Variants in TRMT1L observed in about 807,000 individuals in gnomAD.
TRMT1L encodes tRNA methyltransferase 1L, also known as tRNA (guanine(27)-N(2))-dimethyltransferase.
In TRMT1L, 28 loss-of-function variants were observed where a neutral mutation model predicts 81.6. The ratio of observed to expected loss-of-function variants is 0.34; its 90% confidence interval spans 0.25 to 0.47. TRMT1L has a LOEUF of 0.47. TRMT1L is among the 20% of genes least tolerant of loss of function. The pLI is 1.00. For synonymous variants in TRMT1L, 301 were observed against 303.2 expected (o/e 0.99, Z 0.07); for missense variants, 739 against 877.1 (o/e 0.84, Z 1.99).
chr1:185,139,938 T>A (rs1455691639), intron 8 of TRMT1L, 35 bp downstream of exon 8: 3 of 1,577,684 alleles, frequency 1.9e-6, no homozygotes, highest in Non-Finnish European at 2.6e-6. Flanking sequence ...TTCAGATAAG[T>A]TTAGAAAGTG....
chr1:185,119,123 A>G lies in TRMT1L; in HGVS notation c.*896T>C, dbSNP rs952435629. 3.3e-5 allele frequency: 5 copies of G among 152,076 alleles called. No individual in the cohort carries two copies. Among genetic ancestry groups the G allele is most frequent in the African/African-American group, 1.2e-4 (5 of 41,422 alleles). The allele number at this position is 152,076 out of a possible 1,614,324, so 9.4% of individuals were successfully genotyped here. ...AGAAAATTTATACAAATACACACAA[A>G]ACCAAAAATACCAAACCAAGCAACA... is the stretch of plus-strand genomic sequence containing the variant. On this transcript the variant is annotated 3_prime_UTR_variant, in exon 15 of 15. Coordinates refer to ENST00000367506, the MANE Select transcript of TRMT1L (RefSeq NM_030934.5).
chr1:185,152,712 TA>T (rs1653395826), intron 1 of TRMT1L, among the ~76,000 whole-genome samples: 1 of 152,198 alleles, frequency 6.6e-6, no homozygotes, highest in Non-Finnish European at 1.5e-5. Context: ...AGGTGAAGGA[TA>T]AAATCAAAGA....
At chr1:185,134,724 C>G (rs2102240044) in intron 10 of TRMT1L, among the ~76,000 whole-genome samples, 1 of 152,312 alleles carries the variant, frequency 6.6e-6, no homozygotes, top group South Asian at 2.1e-4. Flanking sequence ...AATTCTTTAA[C>G]CTCTTTAAGT....
chr1:185,139,640 G>T, intron 8 of TRMT1L, 61 bp from the exon 9 acceptor site: 2 of 1,111,212 alleles, frequency 1.8e-6, no homozygotes, highest in Non-Finnish European at 2.5e-6. Flanking sequence ...TTATACCACT[G>T]TAATTATTTC....
chr1:185,130,990 T>C (rs1263442829), intron 10 of TRMT1L, among the ~76,000 whole-genome samples: 1 of 151,992 alleles, frequency 6.6e-6, no homozygotes, highest in Non-Finnish European at 1.5e-5. Context: ...GTAAAATCCA[T>C]TGGTTTATTT....
chr1:185,127,569 C>T (rs1247986345), intron 11 of TRMT1L, among the ~76,000 whole-genome samples: 1 of 151,660 alleles, frequency 6.6e-6, no homozygotes, highest in African/African-American at 2.4e-5. Flanking sequence ...ATCAGCCTGA[C>T]CAACATGGAG....
upstream of TRMT1L, chr1:185,157,105 G>A (rs1653640182): frequency 1.1e-5 from 2 of 186,978 alleles, no homozygotes. Flanking sequence ...GTCTGGGGGC[G>A]GGGCCGGAGT....
intron 10 of TRMT1L, among the ~76,000 whole-genome samples, chr1:185,134,224 C>T (rs964459653): frequency 3.3e-5 from 5 of 151,896 alleles, no homozygotes; most frequent in Admixed American, 6.6e-5. Context: ...GCTCTGTCAC[C>T]GAGGCTGGAG....
intron 4 of TRMT1L, 49 bp downstream of exon 4, chr1:185,147,133 C>A (rs1557991877): frequency 1.5e-6 from 2 of 1,356,974 alleles, no homozygotes; most frequent in Middle Eastern, 2.1e-4. Flanking sequence ...ATTATGCTTT[C>A]TTTAAAAAGG....
At chr1:185,137,417 G>C (rs1333233985) in intron 10 of TRMT1L, 189 bp downstream of exon 10, 10 of 706,794 alleles carry the variant, frequency 1.4e-5, no homozygotes, top group Non-Finnish European at 2.5e-5. Flanking sequence ...TGTACAGCAT[G>C]AGTAAATAAC....
At chr1:185,123,785 T>G in intron 13 of TRMT1L, 72 bp downstream of exon 13, 1 of 903,110 alleles carries the variant, frequency 1.1e-6, no homozygotes, top group Non-Finnish European at 1.6e-6. Flanking sequence ...CAATCTCTTC[T>G]CTTCCTACCC....
rs143898124 is a variant in TRMT1L at position 185,123,568 on chromosome 1, T to C, written c.1822+289A>G. 3.9e-3 allele frequency among the ~76,000 whole-genome samples: 595 copies of C among 152,234 alleles called. 4 individuals carry two copies. Among genetic ancestry groups the C allele is most frequent in the African/African-American group, 0.013 (555 of 41,578 alleles). ...AAATTTTATCTTAACTATAAAATTA[T>C]ATATAACTTTATCATATATAATTTG... On this transcript the variant is annotated intron_variant, in intron 13 of 14. Transcript: ENST00000367506.
chr1:185,130,336 A>C (rs1192613509), intron 10 of TRMT1L, among the ~76,000 whole-genome samples: 1 of 152,056 alleles, frequency 6.6e-6, no homozygotes, highest in East Asian at 2.0e-4. Context: ...CTGTCTCTTA[A>C]CGCTTAAATG....
At chr1:185,131,570 CAAT>C (rs1652771226) in intron 10 of TRMT1L, among the ~76,000 whole-genome samples, 1 of 148,234 alleles carries the variant, frequency 6.7e-6, no homozygotes, top group Non-Finnish European at 1.5e-5. Flanking sequence ...AAAAAAGGAA[CAAT>C]AATCACTTGA....
intron 1 of TRMT1L, among the ~76,000 whole-genome samples, chr1:185,154,996 G>A (rs995919942): frequency 6.6e-6 from 1 of 152,100 alleles, no homozygotes; most frequent in African/African-American, 2.4e-5. Context: ...AGTTATGACT[G>A]ATTTCAAAGG....
intron 10 of TRMT1L, among the ~76,000 whole-genome samples, chr1:185,131,433 AAAC>A (rs777744993): frequency 1.3e-5 from 2 of 152,178 alleles, no homozygotes; most frequent in Non-Finnish European, 2.9e-5. Context: ...CTGAACAACA[AAAC>A]AACAGCAACA....
At chr1:185,131,718 A>G (rs1652775810) in intron 10 of TRMT1L, among the ~76,000 whole-genome samples, 1 of 152,236 alleles carries the variant, frequency 6.6e-6, no homozygotes, top group Non-Finnish European at 1.5e-5. Flanking sequence ...ACTAATTGCC[A>G]AAGAGATGAA....
chr1:185,129,441 G>T (rs1652715962), intron 10 of TRMT1L, among the ~76,000 whole-genome samples: 1 of 152,200 alleles, frequency 6.6e-6, no homozygotes. Flanking sequence ...AAACTGGGGA[G>T]ATACTAGCAC....
chr1:185,130,443 T>A (rs192450416), intron 10 of TRMT1L, among the ~76,000 whole-genome samples: 1 of 152,126 alleles, frequency 6.6e-6, no homozygotes. Flanking sequence ...AGGAGTCACA[T>A]ACACAATGGG....
Sources: allele counts gnomAD v4.1 joint callset (sites outside exome capture counted in the v4.1 genomes callset), GRCh38; gene constraint gnomAD v4.1.1; transcripts MANE v1.5; gene names NCBI Gene and HGNC (gene_info 2026-07-23, HGNC 2026-07-21).